Variants in SERINC2 observed in about 807,000 individuals in gnomAD.
SERINC2 encodes the protein serine incorporator 2, also known as tumor differentially expressed protein 2.
SERINC2 carries 56 observed loss-of-function variants against 54.2 expected under a neutral mutation model. The observed-to-expected ratio is 1.03, with a 90% confidence interval of 0.83 to 1.29. The LOEUF (loss-of-function observed/expected upper bound fraction) is 1.29. Ranked by LOEUF, SERINC2 falls within the 50% of genes most tolerant of loss-of-function variation. SERINC2 has a pLI of 0.00. For synonymous variants in SERINC2, 272 were observed against 253.1 expected, an observed-to-expected ratio of 1.07 and a Z score of -0.71; for missense variants, 614 against 607.4, an observed-to-expected ratio of 1.01 and a Z score of -0.12.
In SERINC2 at chr1:31,413,727, G is replaced by GTA; in HGVS notation, c.39+424_39+425insAT. ...TCTCTGTGTAGGTCGCCCGGGCCCCGTCCCTCCTGGCGAGTGCCCTGCCCT... is the reference window on the plus strand; with the variant it reads ...TCTCTGTGTAGGTCGCCCGGGCCCCGTATCCCTCCTGGCGAGTGCCCTGCCCT... On this transcript the variant is annotated intron_variant, in intron 1 of 9. Coordinates refer to ENST00000373709, the MANE Select transcript of SERINC2 (RefSeq NM_178865.5). The surrounding 1 kb of genome is among the most constrained non-coding windows in gnomAD (Gnocchi z 5.0). 7.8e-7 allele frequency: 1 copy of GTA among 1,280,206 alleles called. No individual in the cohort carries two copies. Among genetic ancestry groups the GTA allele is most frequent in the Non-Finnish European group, 9.9e-7 (1 of 1,014,812 alleles). The allele number at this position is 1,280,206 out of a possible 1,614,324, so 79.3% of individuals were successfully genotyped here.
upstream of SERINC2, among the ~76,000 whole-genome samples, chr1:31,411,216 GGAAGACTA>G (rs1553131426): frequency 1.3e-5 from 2 of 152,220 alleles, no homozygotes; most frequent in Non-Finnish European, 2.9e-5. Context: ...CAGAAAAATA[GGAAGACTA>G]GATATTGTCA....
At chr1:31,429,632 A>G (rs1553134198) in intron 8 of SERINC2, 94 bp downstream of exon 8, 3 of 1,347,464 alleles carry the variant, frequency 2.2e-6, no homozygotes, top group Admixed American at 4.4e-5. Context: ...CCAAACTGGA[A>G]CGTGCTCTTC....
chr1:31,432,210 CAGGGTGGAG>C (rs1242550454), intron 8 of SERINC2, among the ~76,000 whole-genome samples: 12 of 94,638 alleles, frequency 1.3e-4, no homozygotes, highest in African/African-American at 4.0e-4. Flanking sequence ...AGAGAGTGGA[CAGGGTGGAG>C]AGGGTGGATA....
intron 1 of SERINC2, among the ~76,000 whole-genome samples, chr1:31,419,354 G>GT (rs575049679): frequency 3.3e-5 from 5 of 151,894 alleles, no homozygotes; most frequent in Non-Finnish European, 5.9e-5. Context: ...GCTTATTTAA[G>GT]TTTTTTCTTT....
chr1:31,424,606 G>A lies in SERINC2; in HGVS notation c.202-77G>A, dbSNP rs1445122881. ...TTTCCTGGCCGGCCTTGGGAGACCA[G>A]GGCTCTGGTTTATAAAGGGAGCTGC... On this transcript the variant is annotated intron_variant, in intron 2 of 9. Coordinates refer to ENST00000373709, the MANE Select transcript of SERINC2 (RefSeq NM_178865.5). 10 of 1,285,174 alleles carry A rather than the reference G, an allele frequency of 7.8e-6. No individual in the cohort carries two copies. In the Admixed American group the frequency reaches 2.6e-4, roughly 33 times the overall value. The allele number at this position is 1,285,174 out of a possible 1,614,324, so 79.6% of individuals were successfully genotyped here. A position where few individuals can be genotyped will look rare whatever the true frequency, so the allele number is the denominator to read the frequency against.
At chr1:31,429,777 G>A (rs1333341085) in intron 8 of SERINC2, among the ~76,000 whole-genome samples, 2 of 152,326 alleles carry the variant, frequency 1.3e-5, no homozygotes, top group African/African-American at 4.8e-5. Flanking sequence ...TACTGGGCCA[G>A]TTCAGTTGGG....
rs782289420 is a variant in SERINC2 at position 31,429,033 on chromosome 1, T to C, written c.836T>C (p.Met279Thr). The C allele has an allele frequency of 6.2e-7, 1 of 1,613,942 alleles. No individual in the cohort carries two copies. The highest frequency in any genetic ancestry group is 1.1e-5 in the South Asian group (1 of 91,074). Residue 279 changes from methionine (M) to threonine (T), a missense_variant, in exon 7 of 10, where the codon ATG becomes ACG. By Grantham distance (81) the Met-to-Thr change is moderately conservative (BLOSUM62 -1). Transcript: ENST00000373709. ...LQASVITLYT[M>T]FVTWSALSSI... ...GCCTCGGTCATCACCCTCTACACCATGTTTGTCACCTGGTCAGCCCTATCC... is the reference window on the plus strand; with the variant it reads ...GCCTCGGTCATCACCCTCTACACCACGTTTGTCACCTGGTCAGCCCTATCC...
rs1392244801 is a variant in SERINC2 at position 31,433,162 on chromosome 1, G to C, written c.1209G>C (p.Met403Ile). Residue 403 changes from methionine to isoleucine, a missense_variant, in exon 9 of 10, where the codon ATG (methionine) becomes ATC (isoleucine). Transcript: ENST00000373709. Reference protein sequence around the residue: ...FCLVLASLHVMMTLTNWYKPG... With the variant: ...FCLVLASLHVIMTLTNWYKPG... ...TGGTGCTGGCCTCACTGCACGTCAT[G>C]ATGACGCTCACCAACTGGTACAAGT... 9.3e-6 allele frequency: 15 copies of C among 1,613,644 alleles called. No individual in the cohort carries two copies. Among genetic ancestry groups the C allele is most frequent in the Non-Finnish European group, 1.2e-5 (14 of 1,180,008 alleles).
intron 8 of SERINC2, among the ~76,000 whole-genome samples, chr1:31,432,146 A>ATAGGATGGT (rs1641299148): frequency 2.6e-5 from 3 of 114,860 alleles, no homozygotes; most frequent in African/African-American, 1.1e-4. Context: ...GACAGGGTGG[A>ATAGGATGGT]CAGGGTGGAC....
Position 31,432,116 on chromosome 1 carries a change from T to TGGAGAG in SERINC2, c.1014-849_1014-848insAGAGGG, listed in dbSNP as rs1557501364. ...GACAGGGTGGACAGGGTGGATAGGG[T>TGGAGAG]GGTTAGGGTGGATAGGGTGGACAGG... On this transcript the variant is annotated intron_variant, in intron 8 of 9. Transcript: ENST00000373709. Among the ~76,000 whole-genome samples the TGGAGAG allele has an allele frequency of 7.9e-5, 10 of 125,880 alleles. 1 individual carries two copies. Among genetic ancestry groups the TGGAGAG allele is most frequent in the South Asian group, 2.7e-4 (1 of 3,694 alleles). The allele number at this position is 125,880 out of a possible 152,430, so 82.6% of individuals were successfully genotyped here. A position where few individuals can be genotyped will look rare whatever the true frequency, so the allele number is the denominator to read the frequency against.
At chr1:31,429,598 G>A in intron 8 of SERINC2, 60 bp downstream of exon 8, 1 of 1,523,410 alleles carries the variant, frequency 6.6e-7, no homozygotes, top group Non-Finnish European at 8.9e-7. Flanking sequence ...GCCAGAGTGA[G>A]GGGAGGGTGT....
At chr1:31,429,148 A>C in intron 7 of SERINC2, 80 bp downstream of exon 7, 1 of 1,283,424 alleles carries the variant, frequency 7.8e-7, no homozygotes, top group Non-Finnish European at 1.1e-6. Flanking sequence ...GGGGACCCTC[A>C]CAGGTGACAG....
chr1:31,412,153 A>G (rs1557485673), upstream of SERINC2, among the ~76,000 whole-genome samples: 1 of 152,208 alleles, frequency 6.6e-6, no homozygotes, highest in African/African-American at 2.4e-5. Flanking sequence ...GCAGTCAACC[A>G]GCTCTTTGGC....
intron 4 of SERINC2, 86 bp from the exon 5 acceptor site, chr1:31,425,690 G>T: frequency 6.7e-7 from 1 of 1,485,622 alleles, no homozygotes. Context: ...CAGTGTCCCC[G>T]GTGCAGGGTG....
chr1:31,432,983 C>G lies in SERINC2; in HGVS notation c.1030C>G (p.His344Asp). The G allele has an allele frequency of 6.2e-7, 1 of 1,611,480 alleles. No individual in the cohort carries two copies. Among genetic ancestry groups the G allele is most frequent in the Non-Finnish European group, 8.5e-7 (1 of 1,179,454 alleles). The change falls in exon 9 of 10, where the codon CAC (histidine) becomes GAC (aspartate). Residue 344 changes from histidine (H) to aspartate (D), a missense_variant. Transcript: ENST00000373709. Reference sequence around the variant, plus strand: ...CCCCTGCAGTCTGCGCTCCTCAGACCACCGGCAGGTGAACAGCCTGATGCA... The same window carrying G: ...CCCCTGCAGTCTGCGCTCCTCAGACGACCGGCAGGTGAACAGCCTGATGCA... ...TLFISLRSSD[H>D]RQVNSLMQTE...
In SERINC2 at chr1:31,414,449, G is replaced by GTT; in HGVS notation, c.39+1146_39+1147insTT. 5 of 1,005,126 alleles carry GTT rather than the reference G, an allele frequency of 5.0e-6. No homozygotes were observed. The African/African-American group carries it at 9.2e-5, about 18-fold the overall frequency. 62.3% of individuals were successfully genotyped at this position (1,005,126 alleles called of 1,614,324 possible). A position where few individuals can be genotyped will look rare whatever the true frequency, so the allele number is the denominator to read the frequency against. On this transcript the variant is annotated intron_variant, in intron 1 of 9. Coordinates refer to ENST00000373709, the MANE Select transcript of SERINC2 (RefSeq NM_178865.5). ...TGTGTGTGTGTGTGTGTGTGTGTGT[G>GTT]TGTGTGAGAGAGAGAGAGAGAGAGA...
intron 7 of SERINC2, 136 bp from the exon 8 acceptor site, chr1:31,429,261 C>T: frequency 8.5e-7 from 1 of 1,175,762 alleles, no homozygotes; most frequent in Non-Finnish European, 1.2e-6. Context: ...CTGCTGAGCG[C>T]TCTGTTGCTG....
chr1:31,432,351 T>C (rs550078397), intron 8 of SERINC2, among the ~76,000 whole-genome samples: 20 of 152,020 alleles, frequency 1.3e-4, no homozygotes, highest in Admixed American at 7.2e-4. Flanking sequence ...AATTTTTATG[T>C]CTCAAACTAT....
At position 31,417,852 on chromosome 1, in the gene SERINC2, C is replaced by CTTTTTTTTTTTTTTT. The variant is rs3050463; in HGVS notation, c.39+4556_39+4570dup. Among the ~76,000 whole-genome samples, 3 of 95,732 alleles carry CTTTTTTTTTTTTTTT rather than the reference C, an allele frequency of 3.1e-5. 1 individual carries two copies. Among genetic ancestry groups the CTTTTTTTTTTTTTTT allele is most frequent in the Admixed American group, 3.0e-4 (2 of 6,692 alleles). 62.8% of individuals were successfully genotyped at this position (95,732 alleles called of 152,430 possible). On this transcript the variant is annotated intron_variant, in intron 1 of 9. Coordinates refer to ENST00000373709, the MANE Select transcript of SERINC2 (RefSeq NM_178865.5). ...TTATAGCATGTGTCAAAATTTCATT[C>CTTTTTTTTTTTTTTT]TTTTTTTTTTTTTTTTTTTTTTGAG... is the stretch of plus-strand genomic sequence containing the variant.
Sources: allele counts gnomAD v4.1 joint callset (sites outside exome capture counted in the v4.1 genomes callset), GRCh38; gene constraint gnomAD v4.1.1; non-coding constraint Gnocchi (gnomAD v3.1); transcripts MANE v1.5; gene names NCBI Gene and HGNC (gene_info 2026-07-23, HGNC 2026-07-21).